TOLLIP: variants seen among roughly 807,000 people sequenced by gnomAD.
TOLLIP encodes the protein toll interacting protein, also known as toll-interacting protein.
In TOLLIP, 16 loss-of-function variants were observed where a neutral mutation model predicts 33.5. That is an observed-to-expected ratio of 0.48 (90% confidence interval 0.32 to 0.72). The LOEUF (loss-of-function observed/expected upper bound fraction) is 0.72, where lower values mean the gene tolerates loss of function less well. Ranked by LOEUF, TOLLIP falls within the 30% of genes least tolerant of loss-of-function variation. The probability of loss-of-function intolerance (pLI) is 0.03; values close to 1 mark genes in which losing one functional copy is unlikely to be tolerated. For synonymous variants in TOLLIP, 176 were observed against 163.7 expected, an observed-to-expected ratio of 1.07 and a Z score of -0.57; for missense variants, 325 against 396.6, an observed-to-expected ratio of 0.82 and a Z score of 1.53.
In TOLLIP at chr11:1,276,929, G is replaced by T. The variant is rs1489787464; in HGVS notation, c.*110C>A. On this transcript the variant is annotated 3_prime_UTR_variant, in exon 6 of 6. Transcript: ENST00000317204. ...GGGCGGCACAGAAGTCCACGGGAGGGGGCGACACGGGTGCTCTTTCACGGG... is the reference window on the plus strand; with the variant it reads ...GGGCGGCACAGAAGTCCACGGGAGGTGGCGACACGGGTGCTCTTTCACGGG... 64 of 1,573,876 alleles carry T rather than the reference G, an allele frequency of 4.1e-5. No homozygotes were observed. The highest frequency in any genetic ancestry group is 4.7e-5 in the Non-Finnish European group (55 of 1,159,242).
rs771720658 is a variant in TOLLIP, at chr11:1,290,440, G to A, written c.184-31C>T. On this transcript the variant is annotated intron_variant, in intron 2 of 5. Transcript: ENST00000317204. The surrounding 1 kb of genome is among the most constrained non-coding windows in gnomAD (Gnocchi z 4.9). ...ATGAAGCCAATGTCAGGAAAAGGAG[G>A]TGCCAACCATCAGGAGAGGGTGGGT... 1 of 1,605,326 alleles carries A rather than the reference G, an allele frequency of 6.2e-7. No homozygotes were observed.
intron 1 of TOLLIP, 50 bp downstream of exon 1, chr11:1,309,416 C>A (rs1259513197): frequency 2.6e-6 from 3 of 1,164,514 alleles, no homozygotes; most frequent in Non-Finnish European, 3.3e-6. Flanking sequence ...AAGGCCCCGC[C>A]CGCAACCGCA....
intron 5 of TOLLIP, chr11:1,283,685 A>G (rs1294188752): frequency 2.4e-6 from 1 of 414,720 alleles, no homozygotes; most frequent in Non-Finnish European, 4.8e-6. Context: ...AAAGAGAATT[A>G]GGGATAGGAA....
rs1294313561 is a variant in TOLLIP at position 1,307,371 on chromosome 11, G to A, written c.33+2095C>T. Among the ~76,000 whole-genome samples, 3 of 152,218 alleles carry A rather than the reference G, an allele frequency of 2.0e-5. No individual in the cohort carries two copies. In the South Asian group the frequency reaches 6.2e-4, roughly 31 times the overall value. ...CTCAGCACTTGCCAGCACAGGCCCTGCGTGTGAGAACATCTCCTGCCGCTC... is the reference window on the plus strand; with the variant it reads ...CTCAGCACTTGCCAGCACAGGCCCTACGTGTGAGAACATCTCCTGCCGCTC... On this transcript the variant is annotated intron_variant, in intron 1 of 5. Coordinates refer to ENST00000317204, the MANE Select transcript of TOLLIP (RefSeq NM_019009.4).
At position 1,276,124 on chromosome 11, in the gene TOLLIP, T is replaced by G. The variant is rs899420119; in HGVS notation, c.*915A>C. On this transcript the variant is annotated 3_prime_UTR_variant, in exon 6 of 6. Transcript: ENST00000317204. ...CCTCGCCCACGCTGAACCCACGTCC[T>G]GGGCACAGCAGCTCCCAAGCTGTCA... 9.2e-5 allele frequency: 14 copies of G among 152,830 alleles called. No individual in the cohort carries two copies. The highest frequency in any genetic ancestry group is 3.4e-4 in the African/African-American group (14 of 41,594). 9.5% of individuals were successfully genotyped at this position (152,830 alleles called of 1,614,324 possible).
intron 2 of TOLLIP, among the ~76,000 whole-genome samples, chr11:1,293,653 G>C (rs1188139576): frequency 6.6e-6 from 1 of 152,270 alleles, no homozygotes; most frequent in East Asian, 1.9e-4. Context: ...GCTGCCTGTG[G>C]TGGGCTCCAG....
Position 1,282,730 on chromosome 11 carries a change from T to C in TOLLIP, c.610+3272A>G, listed in dbSNP as rs5743995. Among the ~76,000 whole-genome samples the C allele has an allele frequency of 7.8e-3, 1,184 of 151,946 alleles. 10 individuals carry two copies. Among genetic ancestry groups the C allele is most frequent in the African/African-American group, 0.026 (1,084 of 41,480 alleles). On this transcript the variant is annotated intron_variant, in intron 5 of 5. Coordinates refer to ENST00000317204, the MANE Select transcript of TOLLIP (RefSeq NM_019009.4). ...CACCAACATGGCACACGGATACATA[T>C]GTAACAAACCTGCACGTTGTGCACA... is the stretch of plus-strand genomic sequence containing the variant.
rs149598328 is a variant in TOLLIP, at chr11:1,301,890, G to C, written c.34-6096C>G. 1.8e-3 allele frequency among the ~76,000 whole-genome samples: 274 copies of C among 152,370 alleles called. 1 individual carries two copies. Among genetic ancestry groups the C allele is most frequent in the African/African-American group, 6.1e-3 (253 of 41,582 alleles). Reference sequence around the variant, plus strand: ...GTAGGAACATCTAGGGATATGGGCGGAAGTCAGTCTCAAAGCCTCTTGGGC... The same window carrying C: ...GTAGGAACATCTAGGGATATGGGCGCAAGTCAGTCTCAAAGCCTCTTGGGC... On this transcript the variant is annotated intron_variant, in intron 1 of 5. Transcript: ENST00000317204.
chr11:1,294,286 G>A (rs1590221479), intron 2 of TOLLIP, among the ~76,000 whole-genome samples: 2 of 79,752 alleles, frequency 2.5e-5, no homozygotes, highest in African/African-American at 5.5e-5. Flanking sequence ...GCATTTCTAC[G>A]AAAGCCCGCG....
rs767987464 is a variant in TOLLIP at position 1,277,198 on chromosome 11, G to T, written c.666C>A (p.Ala222=). ...GMVPVALPPA[A]VNAQPRCSEE... is the part of the protein sequence containing the mutation. ...CGCTACAGCGGGGCTGGGCGTTCAC[G>T]GCGGCCGGGGGCAGGGCCACGGGCA... Residue 222 remains alanine (A), a synonymous_variant, in exon 6 of 6, where the codon GCC becomes GCA. Coordinates refer to ENST00000317204, the MANE Select transcript of TOLLIP (RefSeq NM_019009.4). This position sits in a 1 kb window ranked among gnomAD's most constrained non-coding sequence, Gnocchi z 4.2. 6.3e-7 allele frequency: 1 copy of T among 1,598,584 alleles called. No individual in the cohort carries two copies. The highest frequency in any genetic ancestry group is 1.7e-5 in the Admixed American group (1 of 59,272).
In TOLLIP at chr11:1,277,307, C is replaced by T; in HGVS notation, c.611-54G>A. ...ACGTCGGAAAGTTCCAGAAGTGCCACACTAGCTCCTGCTGAAGGAAGAAAA... is the reference window on the plus strand; with the variant it reads ...ACGTCGGAAAGTTCCAGAAGTGCCATACTAGCTCCTGCTGAAGGAAGAAAA... On this transcript the variant is annotated intron_variant, in intron 5 of 5. Transcript: ENST00000317204. This position sits in a 1 kb window ranked among gnomAD's most constrained non-coding sequence, Gnocchi z 4.2. 7.2e-7 allele frequency: 1 copy of T among 1,391,674 alleles called. No individual in the cohort carries two copies. The allele number at this position is 1,391,674 out of a possible 1,614,324, so 86.2% of individuals were successfully genotyped here.
At chr11:1,280,522 G>GA (rs993609106) in intron 5 of TOLLIP, among the ~76,000 whole-genome samples, 1 of 152,042 alleles carries the variant, frequency 6.6e-6, no homozygotes. Context: ...GGGCAGCAGA[G>GA]AAAAGAGAGA....
intron 4 of TOLLIP, 83 bp downstream of exon 4, chr11:1,288,541 C>A: frequency 1.6e-5 from 23 of 1,476,712 alleles, no homozygotes; most frequent in Non-Finnish European, 2.1e-5. Context: ...AGGAAAGAGA[C>A]AAGGGTGTCT....
Position 1,309,623 on chromosome 11 carries a change from T to G in TOLLIP, c.-125A>C, listed in dbSNP as rs919347740. On this transcript the variant is annotated 5_prime_UTR_variant, in exon 1 of 6. Coordinates refer to ENST00000317204, the MANE Select transcript of TOLLIP (RefSeq NM_019009.4). ...CGAGGCCGCCGCCGCCACAGTCAGC[T>G]GACAGCCGCCGCGCCCCGCCCCCGG... 26 of 361,376 alleles carry G rather than the reference T, an allele frequency of 7.2e-5. No individual in the cohort carries two copies. Among genetic ancestry groups the G allele is most frequent in the African/African-American group, 3.7e-4 (17 of 46,068 alleles). 22.4% of individuals were successfully genotyped at this position (361,376 alleles called of 1,614,324 possible).
chr11:1,288,861 G>C, intron 3 of TOLLIP, 85 bp from the exon 4 acceptor site: 1 of 1,460,960 alleles, frequency 6.8e-7, no homozygotes, highest in Non-Finnish European at 9.3e-7. Context: ...GGCCCGCCTC[G>C]AGTCCCCGTC....
intron 5 of TOLLIP, chr11:1,283,431 C>T (rs757152762): frequency 3.4e-5 from 14 of 411,998 alleles, no homozygotes; most frequent in Admixed American, 5.9e-5. Context: ...GATGGCCGTA[C>T]TGTGCCAGGG....
In TOLLIP at chr11:1,288,754, C is replaced by G; in HGVS notation, c.389G>C (p.Arg130Pro). ...GATGGTGATGTGGGTCCAGGCAATG[C>G]GGTCGTCCATGGAGAAGGCTCTCTG... ...FDERAFSMDD[R>P]IAWTHITIPE... The change falls in exon 4 of 6, where the codon CGC (arginine) becomes CCC (proline). Residue 130 changes from arginine (R) to proline (P), a missense_variant. By Grantham distance (103) the Arg-to-Pro change is moderately radical. Transcript: ENST00000317204. 1 of 1,612,544 alleles carries G rather than the reference C, an allele frequency of 6.2e-7. No homozygotes were observed. Among genetic ancestry groups the G allele is most frequent in the Non-Finnish European group, 8.5e-7 (1 of 1,179,664 alleles).
At chr11:1,299,767 C>T (rs1864211247) in intron 1 of TOLLIP, among the ~76,000 whole-genome samples, 2 of 152,268 alleles carry the variant, frequency 1.3e-5, no homozygotes, top group Admixed American at 6.5e-5. Flanking sequence ...CCTGTCAATG[C>T]TCACTCGGGC....
Position 1,278,461 on chromosome 11 carries a change from G to A in TOLLIP, c.611-1208C>T, listed in dbSNP as rs931564309. On this transcript the variant is annotated intron_variant, in intron 5 of 5. Coordinates refer to ENST00000317204, the MANE Select transcript of TOLLIP (RefSeq NM_019009.4). The surrounding 1 kb of genome is among the most constrained non-coding windows in gnomAD (Gnocchi z 4.7). ...TCAATCCTGGCCTGAACCAACACCA[G>A]CAACAAGACCTGCAGGGGTGTAAAC... Among the ~76,000 whole-genome samples, 1 of 152,154 alleles carries A rather than the reference G, an allele frequency of 6.6e-6. No individual in the cohort carries two copies. Among genetic ancestry groups the A allele is most frequent in the African/African-American group, 2.4e-5 (1 of 41,422 alleles).
Sources: allele counts gnomAD v4.1 joint callset (sites outside exome capture counted in the v4.1 genomes callset), GRCh38; gene constraint gnomAD v4.1.1; non-coding constraint Gnocchi (gnomAD v3.1); transcripts MANE v1.5; gene names NCBI Gene and HGNC (gene_info 2026-07-23, HGNC 2026-07-21).